CLDN10: variants seen among roughly 807,000 people sequenced by gnomAD.
CLDN10 encodes claudin-10.
In CLDN10, 15 loss-of-function variants were observed where a neutral mutation model predicts 22.9. That is an observed-to-expected ratio of 0.65 (90% confidence interval 0.44 to 1.01). The LOEUF is 1.01. CLDN10 is among the 50% of genes least tolerant of loss of function. CLDN10 has a pLI of 0.00. For synonymous variants in CLDN10, 114 were observed against 111.4 expected, an observed-to-expected ratio of 1.02 and a Z score of -0.15; for missense variants, 247 against 287.8, an observed-to-expected ratio of 0.86 and a Z score of 1.03.
rs191640617 is a variant in CLDN10, at chr13:95,464,493, G to A, written c.214+30446G>A. Among the ~76,000 whole-genome samples the A allele has an allele frequency of 6.0e-4, 92 of 152,264 alleles. 1 individual carries two copies. The highest frequency in any genetic ancestry group is 1.6e-3 in the Admixed American group (25 of 15,294). On this transcript the variant is annotated intron_variant, in intron 1 of 4. Transcript: ENST00000376873. ...ATATGTGCCACACTTTCTTAATCCA[G>A]TCTATGATTGTTGGACATTTGGGTT...
intron 1 of CLDN10, among the ~76,000 whole-genome samples, chr13:95,540,244 G>C (rs2043445409): frequency 6.6e-6 from 1 of 152,026 alleles, no homozygotes; most frequent in Non-Finnish European, 1.5e-5. Context: ...AGGTTACAGT[G>C]AGCTAAGATC....
chr13:95,538,066 G>A (rs1283664024), intron 1 of CLDN10, among the ~76,000 whole-genome samples: 7 of 150,312 alleles, frequency 4.7e-5, no homozygotes, highest in South Asian at 2.1e-4. Flanking sequence ...ATTTTTGGTA[G>A]AGAACCAACA....
At chr13:95,445,045 G>T (rs921603951) in intron 1 of CLDN10, among the ~76,000 whole-genome samples, 1 of 152,182 alleles carries the variant, frequency 6.6e-6, no homozygotes, top group Non-Finnish European at 1.5e-5. Context: ...CAAAGTGCTG[G>T]GATTACAGGC....
intron 1 of CLDN10, among the ~76,000 whole-genome samples, chr13:95,529,999 CA>C (rs1294275804): frequency 6.6e-6 from 1 of 151,910 alleles, no homozygotes; most frequent in Non-Finnish European, 1.5e-5. Context: ...ATATTTAAAT[CA>C]AAAAAGATAT....
chr13:95,459,551 C>T (rs4773906), intron 1 of CLDN10, among the ~76,000 whole-genome samples: 3 of 152,102 alleles, frequency 2.0e-5, no homozygotes, highest in Non-Finnish European at 4.4e-5. Context: ...CAATGGTCTG[C>T]GCTGTACATT....
At chr13:95,502,204 T>A (rs938895393) in intron 1 of CLDN10, among the ~76,000 whole-genome samples, 3 of 152,218 alleles carry the variant, frequency 2.0e-5, no homozygotes, top group Non-Finnish European at 4.4e-5. Context: ...GCTTCCTGAC[T>A]TGGGCATATA....
chr13:95,444,481 GTTC>G (rs1481519053), intron 1 of CLDN10, among the ~76,000 whole-genome samples: 1 of 152,222 alleles, frequency 6.6e-6, no homozygotes, highest in East Asian at 1.9e-4. Flanking sequence ...GACAGGGGCA[GTTC>G]TTCAGATACA....
chr13:95,506,909 A>G (rs894858081), intron 1 of CLDN10, among the ~76,000 whole-genome samples: 2 of 152,114 alleles, frequency 1.3e-5, no homozygotes, highest in African/African-American at 4.8e-5. Context: ...AAAGCTCCCA[A>G]AATAGAGTTT....
intron 3 of CLDN10, among the ~76,000 whole-genome samples, chr13:95,562,133 T>A (rs1363028860): frequency 6.6e-6 from 1 of 151,614 alleles, no homozygotes; most frequent in Non-Finnish European, 1.5e-5. Flanking sequence ...GGCTTCACCA[T>A]TTTGGCCAGG....
intron 3 of CLDN10, among the ~76,000 whole-genome samples, chr13:95,575,495 C>T (rs1325240744): frequency 6.6e-6 from 1 of 152,172 alleles, no homozygotes; most frequent in Non-Finnish European, 1.5e-5. Context: ...AGGTGTGTAA[C>T]ACAATATTTA....
chr13:95,529,857 T>C (rs1384878861), intron 1 of CLDN10, among the ~76,000 whole-genome samples: 1 of 152,116 alleles, frequency 6.6e-6, no homozygotes, highest in Admixed American at 6.6e-5. Flanking sequence ...TGAAACTAGC[T>C]TATTAGATGT....
At chr13:95,473,261 T>C (rs955019330) in intron 1 of CLDN10, among the ~76,000 whole-genome samples, 11 of 150,328 alleles carry the variant, frequency 7.3e-5, no homozygotes, top group Non-Finnish European at 1.6e-4. Flanking sequence ...CTAGGAAAAA[T>C]AGCTAATGCA....
At chr13:95,457,696 C>T (rs935501539) in intron 1 of CLDN10, among the ~76,000 whole-genome samples, 1 of 152,004 alleles carries the variant, frequency 6.6e-6, no homozygotes, top group Non-Finnish European at 1.5e-5. Flanking sequence ...GAATGGTTTT[C>T]AAATAAGAAT....
chr13:95,453,517 T>C (rs534209635), intron 1 of CLDN10, among the ~76,000 whole-genome samples: 8 of 151,844 alleles, frequency 5.3e-5, no homozygotes, highest in Admixed American at 1.3e-4. Flanking sequence ...ACCCCATCTC[T>C]ACTAAAAATA....
At chr13:95,445,752 AT>A (rs1000804685) in intron 1 of CLDN10, among the ~76,000 whole-genome samples, 5 of 151,710 alleles carry the variant, frequency 3.3e-5, no homozygotes, top group African/African-American at 1.2e-4. Flanking sequence ...ACCGAGTTTA[AT>A]TTTTTTTTAG....
chr13:95,498,842 T>G (rs2042954586), intron 1 of CLDN10, among the ~76,000 whole-genome samples: 1 of 152,266 alleles, frequency 6.6e-6, no homozygotes, highest in East Asian at 1.9e-4. Flanking sequence ...AACTTTTTTA[T>G]CTTGCAAAAC....
chr13:95,466,476 G>C (rs1000871858), intron 1 of CLDN10, among the ~76,000 whole-genome samples: 4 of 152,168 alleles, frequency 2.6e-5, no homozygotes, highest in Non-Finnish European at 5.9e-5. Context: ...GCTTGAACCA[G>C]AGAATGTGCA....
intron 1 of CLDN10, among the ~76,000 whole-genome samples, chr13:95,536,183 GAA>G (rs34043263): frequency 1.3e-5 from 2 of 148,654 alleles, no homozygotes; most frequent in African/African-American, 5.0e-5. Context: ...TCCTAAATTT[GAA>G]AAAAAAAAAA....
chr13:95,444,742 AT>A (rs1566647116), intron 1 of CLDN10, among the ~76,000 whole-genome samples: 1 of 151,988 alleles, frequency 6.6e-6, no homozygotes, highest in African/African-American at 2.4e-5. Context: ...TCCCTCATCT[AT>A]TTTTTGTTTT....
Sources: gnomAD v4.1 joint callset for allele counts (sites outside exome capture counted in the v4.1 genomes callset) on GRCh38, gnomAD v4.1.1 for gene constraint, MANE v1.5 for transcripts, NCBI Gene and HGNC (gene_info 2026-07-23, HGNC 2026-07-21) for gene names.